PCDH15: variants seen among roughly 807,000 people sequenced by gnomAD.
The protein encoded by PCDH15 is protocadherin-15.
In PCDH15, 129 loss-of-function variants were observed where a neutral mutation model predicts 178.5. The observed-to-expected ratio is 0.72, with a 90% confidence interval of 0.63 to 0.84. PCDH15 has a LOEUF of 0.84. PCDH15 is among the 40% of genes least tolerant of loss of function. PCDH15 has a pLI of 0.00. For synonymous variants in PCDH15, 800 were observed against 732.0 expected, an observed-to-expected ratio of 1.09 and a Z score of -1.50; for missense variants, 2,230 against 2,099.9, an observed-to-expected ratio of 1.06 and a Z score of -1.21.
At chr10:55,472,670 G>A (rs1353367305) in intron 2 of PCDH15, among the ~76,000 whole-genome samples, 1 of 152,140 alleles carries the variant, frequency 6.6e-6, no homozygotes, top group Non-Finnish European at 1.5e-5. Context: ...CCGGGTTCAC[G>A]CCATTCTCCT....
chr10:54,914,766 C>A (rs574199376), intron 2 of PCDH15, among the ~76,000 whole-genome samples: 7 of 152,148 alleles, frequency 4.6e-5, no homozygotes, highest in Non-Finnish European at 8.8e-5. Context: ...CTCAGCTTTT[C>A]CTAAATTAGT....
At chr10:54,468,827 T>A (rs995543582) in intron 3 of PCDH15, among the ~76,000 whole-genome samples, 2 of 152,174 alleles carry the variant, frequency 1.3e-5, no homozygotes, top group African/African-American at 4.8e-5. Flanking sequence ...GTCTGGGTGC[T>A]CCAGTGTTTG....
chr10:55,405,114 A>C (rs1386954213), intron 2 of PCDH15, among the ~76,000 whole-genome samples: 4 of 151,564 alleles, frequency 2.6e-5, no homozygotes, highest in Admixed American at 6.6e-5. Context: ...ATAAAATATA[A>C]GTCATAAAGA....
At chr10:55,047,020 T>A (rs902839120) in intron 2 of PCDH15, among the ~76,000 whole-genome samples, 6 of 151,896 alleles carry the variant, frequency 4.0e-5, no homozygotes, top group African/African-American at 7.2e-5. Flanking sequence ...AGCATTTTTT[T>A]AATCTCGATT....
intron 2 of PCDH15, among the ~76,000 whole-genome samples, chr10:54,898,846 G>A (rs1162448559): frequency 6.6e-6 from 1 of 152,008 alleles, no homozygotes; most frequent in East Asian, 1.9e-4. Flanking sequence ...ATACAAAACT[G>A]GTAAATTAAA....
intron 35 of PCDH15, among the ~76,000 whole-genome samples, chr10:53,812,919 C>T (rs1195559019): frequency 1.3e-5 from 2 of 152,066 alleles, no homozygotes; most frequent in Admixed American, 6.6e-5. Context: ...CCTCTGAGGG[C>T]ACAAATATGT....
chr10:54,420,849 C>A (rs539653561), intron 3 of PCDH15, among the ~76,000 whole-genome samples: 3 of 152,090 alleles, frequency 2.0e-5, no homozygotes, highest in African/African-American at 7.2e-5. Flanking sequence ...ATATGATATG[C>A]ATAAATATTT....
At chr10:54,753,516 A>ATAC (rs1566132524) in intron 1 of PCDH15, among the ~76,000 whole-genome samples, 8 of 151,246 alleles carry the variant, frequency 5.3e-5, no homozygotes, top group African/African-American at 2.0e-4. Flanking sequence ...AACAAACAAA[A>ATAC]AAAAAAACTT....
chr10:54,534,238 C>A (rs1262011358), intron 2 of PCDH15, among the ~76,000 whole-genome samples: 1 of 152,034 alleles, frequency 6.6e-6, no homozygotes. Flanking sequence ...ACCCTCAGCT[C>A]TCCCAAATAT....
intron 3 of PCDH15, among the ~76,000 whole-genome samples, chr10:54,433,610 C>T (rs943346148): frequency 3.9e-5 from 6 of 151,940 alleles, no homozygotes; most frequent in Admixed American, 3.3e-4. Flanking sequence ...AAGAAAGAAG[C>T]AACAAAACCT....
intron 2 of PCDH15, among the ~76,000 whole-genome samples, chr10:54,982,087 T>G (rs1462211086): frequency 1.3e-5 from 2 of 152,142 alleles, no homozygotes; most frequent in African/African-American, 4.8e-5. Flanking sequence ...AACGTTGGAT[T>G]TACAGATGAT....
intron 10 of PCDH15, among the ~76,000 whole-genome samples, chr10:54,212,010 T>C (rs574439259): frequency 1.3e-5 from 2 of 152,126 alleles, no homozygotes; most frequent in Non-Finnish European, 2.9e-5. Flanking sequence ...TGTGGCCTAT[T>C]GTAATTGATT....
chr10:54,722,811 T>C (rs1243431429), intron 1 of PCDH15, among the ~76,000 whole-genome samples: 1 of 151,394 alleles, frequency 6.6e-6, no homozygotes, highest in African/African-American at 2.4e-5. Flanking sequence ...AAAAATAAAA[T>C]AAAATACCTA....
chr10:54,042,466 G>A (rs1191582143), intron 18 of PCDH15, among the ~76,000 whole-genome samples: 1 of 152,118 alleles, frequency 6.6e-6, no homozygotes, highest in African/African-American at 2.4e-5. Flanking sequence ...GGGGTACTCA[G>A]TGAAGTCATC....
intron 3 of PCDH15, among the ~76,000 whole-genome samples, chr10:54,854,849 C>G (rs778534774): frequency 6.6e-6 from 1 of 152,164 alleles, no homozygotes; most frequent in Non-Finnish European, 1.5e-5. Context: ...AGCCTTCAGG[C>G]ACTCCCTGGC....
intron 4 of PCDH15, 33 bp downstream of exon 4, chr10:54,378,749 A>G (rs745565780): frequency 1.2e-6 from 2 of 1,603,662 alleles, no homozygotes; most frequent in Non-Finnish European, 1.7e-6. Flanking sequence ...TAATAAACTT[A>G]TATTACAGGG....
intron 23 of PCDH15, among the ~76,000 whole-genome samples, chr10:53,957,827 G>GA (rs34769133): frequency 2.7e-5 from 4 of 150,880 alleles, no homozygotes; most frequent in Non-Finnish European, 4.4e-5. Context: ...TACTGTGTCA[G>GA]AAAAAAAAGG....
intron 2 of PCDH15, among the ~76,000 whole-genome samples, chr10:54,532,011 A>C (rs1453073660): frequency 6.6e-6 from 1 of 152,134 alleles, no homozygotes; most frequent in Non-Finnish European, 1.5e-5. Flanking sequence ...ATAAGTCTTG[A>C]ATTTAATTCC....
intron 3 of PCDH15, among the ~76,000 whole-genome samples, chr10:54,517,013 G>A (rs1377204051): frequency 1.3e-5 from 2 of 152,076 alleles, no homozygotes; most frequent in Non-Finnish European, 2.9e-5. Flanking sequence ...CAAATGCTGA[G>A]AGATTTTGTC....
Sources: allele counts gnomAD v4.1 joint callset (sites outside exome capture counted in the v4.1 genomes callset), GRCh38; gene constraint gnomAD v4.1.1; transcripts MANE v1.5; gene names NCBI Gene and HGNC (gene_info 2026-07-23, HGNC 2026-07-21).